ARID4B: variants seen among roughly 807,000 people sequenced by gnomAD.
ARID4B encodes the protein AT-rich interactive domain-containing protein 4B.
In ARID4B, 26 loss-of-function variants were observed where a neutral mutation model predicts 147.5. The observed-to-expected ratio is 0.18, with a 90% CI of 0.13 to 0.24. ARID4B has a LOEUF of 0.24. Among genes scored for constraint, ARID4B ranks in the 10% least tolerant of loss-of-function variants. The pLI is 1.00. For synonymous variants in ARID4B, 512 were observed against 507.9 expected, an observed-to-expected ratio of 1.01 and a Z score of -0.11; for missense variants, 1,179 against 1,511.5, an observed-to-expected ratio of 0.78 and a Z score of 3.65.
At chr1:235,228,015 A>T (rs967955408) in intron 11 of ARID4B, among the ~76,000 whole-genome samples, 6 of 151,704 alleles carry the variant, frequency 4.0e-5, no homozygotes, top group Admixed American at 2.6e-4. Flanking sequence ...TTGTATTTTT[A>T]GTAAGAGACG....
intron 2 of ARID4B, among the ~76,000 whole-genome samples, chr1:235,291,371 G>T (rs1243643199): frequency 6.6e-6 from 1 of 151,980 alleles, no homozygotes; most frequent in East Asian, 1.9e-4. Flanking sequence ...TCGCACCACT[G>T]CACTCCAGCC....
At chr1:235,252,656 A>C (rs902596873) in intron 6 of ARID4B, 74 bp downstream of exon 6, 61 of 1,277,862 alleles carry the variant, frequency 4.8e-5, no homozygotes, top group Non-Finnish European at 6.6e-5. Flanking sequence ...AGGTTTACTG[A>C]GTTGAGAAAG....
At chr1:235,288,484 TA>T (rs1672126553) in intron 2 of ARID4B, among the ~76,000 whole-genome samples, 1 of 152,250 alleles carries the variant, frequency 6.6e-6, no homozygotes, top group African/African-American at 2.4e-5. Flanking sequence ...GTACTACATT[TA>T]ATATACTGTC....
At chr1:235,200,414 G>T (rs995510260) in intron 17 of ARID4B, among the ~76,000 whole-genome samples, 1 of 152,098 alleles carries the variant, frequency 6.6e-6, no homozygotes. Flanking sequence ...AGCCGAGATC[G>T]CATGCCACGG....
At chr1:235,169,569 T>G (rs1663184973) in intron 23 of ARID4B, among the ~76,000 whole-genome samples, 1 of 151,670 alleles carries the variant, frequency 6.6e-6, no homozygotes, top group Non-Finnish European at 1.5e-5. Flanking sequence ...GGAGTCTCAC[T>G]CTGTCGCCCA....
chr1:235,181,228 T>C (rs913491224), intron 20 of ARID4B: 42 of 721,828 alleles, frequency 5.8e-5, no homozygotes, highest in East Asian at 1.8e-4. Flanking sequence ...CACATTACAA[T>C]TGCAAAAACA....
chr1:235,249,975 C>T (rs1485308506), intron 6 of ARID4B, among the ~76,000 whole-genome samples: 1 of 148,634 alleles, frequency 6.7e-6, no homozygotes, highest in African/African-American at 2.5e-5. Context: ...GGCGTGGGGG[C>T]AGGTGCCTGT....
chr1:235,322,053 A>G (rs1258411706), intron 2 of ARID4B, among the ~76,000 whole-genome samples: 1 of 150,994 alleles, frequency 6.6e-6, no homozygotes, highest in African/African-American at 2.4e-5. Context: ...TTTGAGACAG[A>G]GTATTGCTCT....
At chr1:235,291,356 T>C (rs1672323161) in intron 2 of ARID4B, among the ~76,000 whole-genome samples, 2 of 151,888 alleles carry the variant, frequency 1.3e-5, no homozygotes, top group African/African-American at 4.8e-5. Context: ...TGCGGTGAGC[T>C]GAGATCGCAC....
In ARID4B at chr1:235,181,633, C is replaced by G. The variant is rs749676581; in HGVS notation, c.3286G>C (p.Val1096Leu). 2.5e-6 allele frequency: 4 copies of G among 1,613,918 alleles called. No individual in the cohort carries two copies. The East Asian group carries it at 8.9e-5, about 36-fold the overall frequency. The change falls in exon 20 of 24, where the codon GTG becomes CTG. Residue 1096 changes from valine to leucine, a missense_variant. Transcript: ENST00000264183. ...NSSPAGFDAS[V>L]SSSSSNQPEP... ...GGCTGATTACTACTGCTTGAGCTCACACTGGCATCAAAACCTGCTGGCGAG... is the reference window on the plus strand; with the variant it reads ...GGCTGATTACTACTGCTTGAGCTCAGACTGGCATCAAAACCTGCTGGCGAG...
intron 2 of ARID4B, among the ~76,000 whole-genome samples, chr1:235,304,422 T>C (rs1222177230): frequency 1.3e-5 from 2 of 152,210 alleles, no homozygotes; most frequent in Non-Finnish European, 2.9e-5. Context: ...AAAACAATCT[T>C]GTGTGATTTA....
intron 2 of ARID4B, among the ~76,000 whole-genome samples, chr1:235,296,827 A>AAAG (rs1553313937): frequency 3.2e-4 from 6 of 18,716 alleles, no homozygotes; most frequent in African/African-American, 7.6e-4. Flanking sequence ...GGAAGGAAGG[A>AAAG]AGGAAGGAAG....
intron 2 of ARID4B, among the ~76,000 whole-genome samples, chr1:235,323,855 T>C (rs926973561): frequency 6.6e-6 from 1 of 151,782 alleles, no homozygotes; most frequent in Admixed American, 6.6e-5. Flanking sequence ...ACTTTAATAA[T>C]CTACCACCTC....
chr1:235,213,727 A>C, intron 17 of ARID4B, 42 bp downstream of exon 17: 1 of 1,558,804 alleles, frequency 6.4e-7, no homozygotes, highest in Non-Finnish European at 8.7e-7. Flanking sequence ...AGTATTTTAT[A>C]ATTGTTTTTA....
At chr1:235,208,681 T>C (rs538274173) in intron 17 of ARID4B, among the ~76,000 whole-genome samples, 48 of 151,810 alleles carry the variant, frequency 3.2e-4, no homozygotes, top group African/African-American at 1.1e-3. Context: ...TTTGTGTTTT[T>C]TTTTAGTAGA....
chr1:235,255,379 A>G (rs1007365757), intron 5 of ARID4B, among the ~76,000 whole-genome samples: 13 of 151,720 alleles, frequency 8.6e-5, no homozygotes, highest in African/African-American at 2.7e-4. Flanking sequence ...AAAAATAGGT[A>G]AGATTGGGGA....
chr1:235,233,699 T>G (rs1668383468), intron 9 of ARID4B, among the ~76,000 whole-genome samples: 1 of 152,176 alleles, frequency 6.6e-6, no homozygotes, highest in African/African-American at 2.4e-5. Flanking sequence ...CCAACAGGTA[T>G]CACTATAACC....
At chr1:235,280,706 G>A (rs867576092) in intron 2 of ARID4B, among the ~76,000 whole-genome samples, 3 of 152,214 alleles carry the variant, frequency 2.0e-5, no homozygotes, top group South Asian at 2.1e-4. Context: ...CATCAGCCAC[G>A]CGCAGAGCCC....
At chr1:235,216,968 A>T (rs1667133308) in intron 16 of ARID4B, among the ~76,000 whole-genome samples, 1 of 152,130 alleles carries the variant, frequency 6.6e-6, no homozygotes, top group Admixed American at 6.6e-5. Flanking sequence ...AAATGACGAC[A>T]AACTCCAAGC....
Sources: gnomAD v4.1 joint callset for allele counts (sites outside exome capture counted in the v4.1 genomes callset) on GRCh38, gnomAD v4.1.1 for gene constraint, MANE v1.5 for transcripts, NCBI Gene and HGNC (gene_info 2026-07-23, HGNC 2026-07-21) for gene names.